CSMD1: variants seen among roughly 807,000 people sequenced by gnomAD.
CSMD1 encodes CUB and sushi domain-containing protein 1.
A neutral mutation model predicts 417.5 loss-of-function variants in CSMD1; 213 were observed. That is an observed-to-expected ratio of 0.51 (90% CI 0.46 to 0.57). The LOEUF (loss-of-function observed/expected upper bound fraction) is 0.57, where lower values mean the gene tolerates loss of function less well. CSMD1 is among the 20% of genes least tolerant of loss of function. The probability of loss-of-function intolerance (pLI) is 0.00; values close to 1 mark genes in which losing one functional copy is unlikely to be tolerated. For synonymous variants in CSMD1, 2,862 were observed against 1,736.8 expected (o/e 1.65, Z -16.11); for missense variants, 6,923 against 4,529.7 (o/e 1.53, Z -15.17).
At chr8:4,874,014 G>A (rs984702481) in intron 1 of CSMD1, among the ~76,000 whole-genome samples, 4 of 152,046 alleles carry the variant, frequency 2.6e-5, no homozygotes, top group African/African-American at 7.3e-5. Flanking sequence ...TGTTGTAATC[G>A]CATGATTAGT....
intron 3 of CSMD1, among the ~76,000 whole-genome samples, chr8:4,286,744 T>C (rs1396746467): frequency 6.6e-6 from 1 of 152,186 alleles, no homozygotes. Context: ...CAGCATCTGA[T>C]GCTTGATAAA....
chr8:4,784,274 C>T (rs552670872), intron 1 of CSMD1, among the ~76,000 whole-genome samples: 1 of 152,316 alleles, frequency 6.6e-6, no homozygotes, highest in East Asian at 1.9e-4. Flanking sequence ...CTTTACCTTC[C>T]TCTAGTTCTA....
At chr8:4,459,724 C>T (rs113941358) in intron 2 of CSMD1, among the ~76,000 whole-genome samples, 1 of 152,110 alleles carries the variant, frequency 6.6e-6, no homozygotes, top group Non-Finnish European at 1.5e-5. Context: ...AATAATGAAG[C>T]AATCAGGTGG....
intron 37 of CSMD1, among the ~76,000 whole-genome samples, chr8:3,172,687 C>T (rs1820655678): frequency 6.6e-6 from 1 of 152,116 alleles, no homozygotes; most frequent in Non-Finnish European, 1.5e-5. Flanking sequence ...AAGAATCACC[C>T]TCAGGGGAGG....
At chr8:4,433,310 G>C (rs13263442) in intron 2 of CSMD1, among the ~76,000 whole-genome samples, 2 of 151,984 alleles carry the variant, frequency 1.3e-5, no homozygotes, top group Non-Finnish European at 2.9e-5. Context: ...TGGCTTCCAC[G>C]AAACTGGTCC....
At chr8:3,028,389 C>T (rs1026667352) in intron 51 of CSMD1, among the ~76,000 whole-genome samples, 1 of 152,096 alleles carries the variant, frequency 6.6e-6, no homozygotes, top group Non-Finnish European at 1.5e-5. Flanking sequence ...AACTCAGTGA[C>T]CAGGTCATTA....
At chr8:3,507,851 T>C (rs1563104881) in intron 10 of CSMD1, among the ~76,000 whole-genome samples, 1 of 151,922 alleles carries the variant, frequency 6.6e-6, no homozygotes, top group Non-Finnish European at 1.5e-5. Context: ...TTTGATGGGG[T>C]TGTTTGTTTT....
chr8:3,695,594 C>G (rs1164811030), intron 7 of CSMD1, among the ~76,000 whole-genome samples: 5 of 152,040 alleles, frequency 3.3e-5, no homozygotes, highest in African/African-American at 4.8e-5. Context: ...GATGATAGTA[C>G]TAGAGGAAAA....
chr8:4,665,478 A>G lies in CSMD1; in HGVS notation c.86-27920T>C, dbSNP rs115513317. Among the ~76,000 whole-genome samples the G allele has an allele frequency of 7.7e-3, 1,172 of 152,294 alleles. 15 individuals carry two copies. The highest frequency in any genetic ancestry group is 0.027 in the African/African-American group (1,124 of 41,552). On this transcript the variant is annotated intron_variant, in intron 1 of 69. Transcript: ENST00000635120. ...CCACAGCTAACACACAAGCATTCCC[A>G]GCACACTGATAAGATCCTCTTGCTC...
At chr8:4,396,990 G>A (rs1034942474) in intron 3 of CSMD1, among the ~76,000 whole-genome samples, 1 of 151,850 alleles carries the variant, frequency 6.6e-6, no homozygotes, top group South Asian at 2.1e-4. Context: ...ACCTATTCAT[G>A]TAACCAAACA....
At chr8:3,588,386 G>A (rs1405998013) in intron 8 of CSMD1, among the ~76,000 whole-genome samples, 1 of 152,126 alleles carries the variant, frequency 6.6e-6, no homozygotes, top group Admixed American at 6.5e-5. Context: ...CCTCGGGTAG[G>A]AAGAGTTGGA....
chr8:3,793,125 G>C (rs963371408), intron 5 of CSMD1, among the ~76,000 whole-genome samples: 2 of 152,190 alleles, frequency 1.3e-5, no homozygotes, highest in South Asian at 2.1e-4. Context: ...ACCCACAAGA[G>C]TGGAAGGAAC....
intron 1 of CSMD1, among the ~76,000 whole-genome samples, chr8:4,984,560 A>T (rs752946351): frequency 6.6e-6 from 1 of 152,214 alleles, no homozygotes; most frequent in African/African-American, 2.4e-5. Context: ...GCTTCTCCTC[A>T]ACATCCTCAT....
At chr8:3,950,121 G>A (rs1234925341) in intron 5 of CSMD1, among the ~76,000 whole-genome samples, 3 of 152,054 alleles carry the variant, frequency 2.0e-5, no homozygotes, top group Admixed American at 6.6e-5. Context: ...AATTAGACAC[G>A]TTACACTGAC....
chr8:4,939,123 G>A (rs1327712263), intron 1 of CSMD1, among the ~76,000 whole-genome samples: 1 of 152,108 alleles, frequency 6.6e-6, no homozygotes, highest in Non-Finnish European at 1.5e-5. Context: ...CTTTTGTTGT[G>A]CAGAAGCTTT....
At chr8:4,960,355 G>A (rs972248096) in intron 1 of CSMD1, among the ~76,000 whole-genome samples, 6 of 152,166 alleles carry the variant, frequency 3.9e-5, no homozygotes, top group Non-Finnish European at 5.9e-5. Flanking sequence ...AAGAGAATAA[G>A]AAATATCACT....
At chr8:4,775,249 A>G (rs1440450274) in intron 1 of CSMD1, among the ~76,000 whole-genome samples, 1 of 152,200 alleles carries the variant, frequency 6.6e-6, no homozygotes, top group Non-Finnish European at 1.5e-5. Flanking sequence ...GAGCTTGAGG[A>G]TGAATCATAG....
chr8:3,943,849 C>G (rs530034999), intron 5 of CSMD1, among the ~76,000 whole-genome samples: 1 of 152,058 alleles, frequency 6.6e-6, no homozygotes, highest in African/African-American at 2.4e-5. Context: ...AAAAAATTGC[C>G]GTTTCCTATT....
At chr8:4,801,656 G>A (rs979178758) in intron 1 of CSMD1, among the ~76,000 whole-genome samples, 9 of 151,888 alleles carry the variant, frequency 5.9e-5, no homozygotes, top group African/African-American at 2.2e-4. Context: ...CTACACCAGT[G>A]TCCTCAGCCT....
Sources: gnomAD v4.1 joint callset for allele counts (sites outside exome capture counted in the v4.1 genomes callset) on GRCh38, gnomAD v4.1.1 for gene constraint, MANE v1.5 for transcripts, NCBI Gene and HGNC (gene_info 2026-07-23, HGNC 2026-07-21) for gene names.